The following NEBL variants were observed in gnomAD, a reference collection of about 807,000 sequenced individuals.
NEBL encodes the protein LIM and SH3 protein 2.
Under a neutral mutation model 140.2 loss-of-function variants are expected in NEBL, and 122 were observed. That is an observed-to-expected ratio of 0.87 (90% CI 0.75 to 1.01). The LOEUF (loss-of-function observed/expected upper bound fraction) is 1.01, where lower values mean the gene tolerates loss of function less well. Ranked by LOEUF, NEBL falls within the 50% of genes least tolerant of loss-of-function variation. The probability of loss-of-function intolerance (pLI) is 0.00; values close to 1 mark genes in which losing one functional copy is unlikely to be tolerated. For synonymous variants in NEBL, 436 were observed against 398.9 expected, an observed-to-expected ratio of 1.09 and a Z score of -1.11; for missense variants, 1,365 against 1,231.3, an observed-to-expected ratio of 1.11 and a Z score of -1.62.
intron 4 of NEBL, among the ~76,000 whole-genome samples, chr10:20,921,562 C>T (rs1833577780): frequency 6.6e-6 from 1 of 152,198 alleles, no homozygotes; most frequent in South Asian, 2.1e-4. Flanking sequence ...AATTCCAGTT[C>T]TCCATGGGCT....
At chr10:20,975,291 T>A (rs1489644635) in intron 3 of NEBL, among the ~76,000 whole-genome samples, 1 of 152,226 alleles carries the variant, frequency 6.6e-6, no homozygotes, top group Non-Finnish European at 1.5e-5. Flanking sequence ...GAGGTTGACA[T>A]GGATAAGTGT....
In NEBL at chr10:21,194,310, C is replaced by A. The variant is rs80115479; in HGVS notation, n.349-21833G>T. On this transcript the variant is annotated intron_variant and non_coding_transcript_variant, in intron 3 of 8. Transcript: ENST00000675702. The stretch of plus-strand genomic sequence containing the variant: ...AAAATATTTAGATTCTACAAAGTTA[C>A]AATAAATACTGTCAAGTCTAGCAAC... Among the ~76,000 whole-genome samples, 1,061 of 152,154 alleles carry A rather than the reference C, an allele frequency of 7.0e-3. 54 individuals carry two copies. In the East Asian group the frequency reaches 0.12, roughly 17 times the overall value.
chr10:20,952,184 C>T (rs1835506180), intron 4 of NEBL, among the ~76,000 whole-genome samples: 1 of 152,150 alleles, frequency 6.6e-6, no homozygotes, highest in African/African-American at 2.4e-5. Context: ...CACCTATAAT[C>T]CCAGGACTTT....
intron 2 of NEBL, among the ~76,000 whole-genome samples, chr10:21,084,582 G>T (rs990488084): frequency 6.6e-6 from 1 of 151,454 alleles, no homozygotes. Flanking sequence ...GGGTGACGGA[G>T]CAAGACTCTG....
intron 1 of NEBL, among the ~76,000 whole-genome samples, chr10:21,271,867 G>C (rs1399149345): frequency 6.6e-6 from 1 of 151,966 alleles, no homozygotes; most frequent in Non-Finnish European, 1.5e-5. Flanking sequence ...CAAAAGAATA[G>C]TAACTATATG....
At chr10:20,863,200 G>A (rs1207152083) in intron 7 of NEBL, among the ~76,000 whole-genome samples, 1 of 152,022 alleles carries the variant, frequency 6.6e-6, no homozygotes, top group East Asian at 1.9e-4. Context: ...CCTCATATGA[G>A]GATCCAGATC....
chr10:21,191,297 T>C (rs1841569713), intron 3 of NEBL, among the ~76,000 whole-genome samples: 1 of 152,134 alleles, frequency 6.6e-6, no homozygotes, highest in Non-Finnish European at 1.5e-5. Context: ...ATAACCCTAC[T>C]AGTATTATGA....
intron 3 of NEBL, among the ~76,000 whole-genome samples, chr10:21,239,015 C>T (rs1159126340): frequency 6.6e-6 from 1 of 152,120 alleles, no homozygotes; most frequent in East Asian, 1.9e-4. Flanking sequence ...GAATGCCAGG[C>T]CTGAAACTCT....
chr10:21,005,513 T>A (rs1427274658), intron 3 of NEBL, among the ~76,000 whole-genome samples: 2 of 150,710 alleles, frequency 1.3e-5, no homozygotes, highest in African/African-American at 4.9e-5. Context: ...GATGGGGGGA[T>A]CGCTTGAGCC....
chr10:20,802,688 A>T (rs1330320188), intron 26 of NEBL, among the ~76,000 whole-genome samples: 1 of 152,176 alleles, frequency 6.6e-6, no homozygotes, highest in Non-Finnish European at 1.5e-5. Context: ...AAAACCTTGT[A>T]CTTTTGCCTT....
chr10:20,988,033 T>C (rs1837321578), intron 3 of NEBL, among the ~76,000 whole-genome samples: 1 of 152,210 alleles, frequency 6.6e-6, no homozygotes, highest in Non-Finnish European at 1.5e-5. Context: ...CAAATTGATA[T>C]ATGGTTCAAT....
At chr10:21,114,931 C>A (rs1021940078) in intron 2 of NEBL, among the ~76,000 whole-genome samples, 1 of 151,552 alleles carries the variant, frequency 6.6e-6, no homozygotes, top group African/African-American at 2.4e-5. Flanking sequence ...TTAAATATAT[C>A]GTCATGCTAT....
chr10:21,218,690 A>G (rs2132242868), intron 3 of NEBL, among the ~76,000 whole-genome samples: 2 of 152,300 alleles, frequency 1.3e-5, no homozygotes, highest in South Asian at 4.1e-4. Flanking sequence ...TACACAATTT[A>G]TCGATATCTA....
chr10:21,169,067 A>ATATATATATATATATAT (rs1554830680), intron 2 of NEBL, among the ~76,000 whole-genome samples: 1 of 23,080 alleles, frequency 4.3e-5, no homozygotes, highest in African/African-American at 1.3e-4. Context: ...AAAAAAAAAA[A>ATATATATATATATATAT]ATATATATAT....
At chr10:21,151,950 C>T (rs1361928968) in intron 2 of NEBL, among the ~76,000 whole-genome samples, 4 of 152,182 alleles carry the variant, frequency 2.6e-5, no homozygotes, top group South Asian at 2.1e-4. Context: ...AGAAGCTCCA[C>T]GAGGGCAGGA....
rs200827456 is a variant in NEBL, at chr10:21,248,484, A to G, written n.280-495T>C. 9.8e-5 allele frequency among the ~76,000 whole-genome samples: 15 copies of G among 152,292 alleles called. No homozygotes were observed. In the East Asian group the frequency reaches 2.7e-3, roughly 27 times the overall value. On this transcript the variant is annotated intron_variant and non_coding_transcript_variant, in intron 2 of 8. Coordinates refer to the NEBL transcript ENST00000675702. ...TGTCCTCAAGATTCATCCATGTTGT[A>G]TCATGTGTCAGAATTCTATTCCTTA...
intron 3 of NEBL, among the ~76,000 whole-genome samples, chr10:21,018,910 C>T (rs533050366): frequency 3.3e-5 from 5 of 152,294 alleles, no homozygotes; most frequent in African/African-American, 1.2e-4. Context: ...CGCCTGTAAT[C>T]CCAGCTATTG....
chr10:20,940,349 G>T (rs11492536), intron 4 of NEBL, among the ~76,000 whole-genome samples: 16 of 146,974 alleles, frequency 1.1e-4, no homozygotes, highest in African/African-American at 4.1e-4. Context: ...GGTACATAAC[G>T]AAATGAAGGC....
At chr10:20,793,882 C>A (rs1227988553) in intron 26 of NEBL, among the ~76,000 whole-genome samples, 6 of 152,138 alleles carry the variant, frequency 3.9e-5, no homozygotes, top group African/African-American at 1.2e-4. Flanking sequence ...AAATGAGCAG[C>A]CACAATGCGG....
Sources: gnomAD v4.1 joint callset for allele counts (sites outside exome capture counted in the v4.1 genomes callset) on GRCh38, gnomAD v4.1.1 for gene constraint, MANE v1.5 for transcripts, NCBI Gene and HGNC (gene_info 2026-07-23, HGNC 2026-07-21) for gene names.